The following DLGAP2 variants were observed in gnomAD, a reference collection of about 807,000 sequenced individuals.
The protein encoded by DLGAP2 is DLG associated protein 2.
Under a neutral mutation model 100.3 loss-of-function variants are expected in DLGAP2, and 26 were observed. The ratio of observed to expected loss-of-function variants is 0.26; its 90% CI spans 0.19 to 0.36. DLGAP2 has a LOEUF of 0.36. DLGAP2 is among the 10% of genes least tolerant of loss of function. The probability of loss-of-function intolerance (pLI) is 1.00; values close to 1 mark genes in which losing one functional copy is unlikely to be tolerated. For missense variants in DLGAP2, 1,858 were observed against 1,453.2 expected, an observed-to-expected ratio of 1.28 and a Z score of -4.53; for synonymous variants, 886 against 630.1, an observed-to-expected ratio of 1.41 and a Z score of -6.08.
chr8:1,136,934 T>C (rs2129049963), intron 2 of DLGAP2, among the ~76,000 whole-genome samples: 2 of 152,356 alleles, frequency 1.3e-5, no homozygotes, highest in Middle Eastern at 6.8e-3. Context: ...TTTGTGCTGC[T>C]TCAACTTGTG....
intron 3 of DLGAP2, chr8:1,297,294 CAT>C (rs1425295580): frequency 2.0e-5 from 3 of 152,264 alleles, no homozygotes; most frequent in Non-Finnish European, 1.5e-5. Context: ...GTCAGAAAAA[CAT>C]GTCTCCCCTG....
intron 3 of DLGAP2, among the ~76,000 whole-genome samples, chr8:1,418,189 G>T (rs952049782): frequency 6.6e-6 from 1 of 152,158 alleles, no homozygotes; most frequent in African/African-American, 2.4e-5. Context: ...CTTGATCTTG[G>T]GTGGCCCAAA....
rs1046335384 is a variant in DLGAP2, at chr8:1,026,090, G to A, written c.73+118124G>A. Among the ~76,000 whole-genome samples the A allele has an allele frequency of 1.3e-5, 2 of 152,334 alleles. 1 individual carries two copies. Among genetic ancestry groups the A allele is most frequent in the South Asian group, 4.1e-4 (2 of 4,822 alleles). On this transcript the variant is annotated intron_variant, in intron 2 of 14. Transcript: ENST00000637795. ...TTCGTCCCGGCTTCCAGGAGCCCTG[G>A]CAGAAACGGAGCTCAGCTGCCAGTC...
chr8:1,534,148 A>T (rs765870883), intron 4 of DLGAP2, among the ~76,000 whole-genome samples: 1 of 152,242 alleles, frequency 6.6e-6, no homozygotes, highest in African/African-American at 2.4e-5. Flanking sequence ...AAGGTAAAAG[A>T]GAAAGATTGA....
chr8:1,067,753 G>A (rs941654368), intron 2 of DLGAP2, among the ~76,000 whole-genome samples: 1 of 150,174 alleles, frequency 6.7e-6, no homozygotes, highest in Non-Finnish European at 1.5e-5. Flanking sequence ...TCGTGACCCA[G>A]TCCCCTCCAG....
chr8:1,285,593 G>A (rs1162409848), intron 3 of DLGAP2, among the ~76,000 whole-genome samples: 2 of 152,166 alleles, frequency 1.3e-5, no homozygotes, highest in Non-Finnish European at 1.5e-5. Flanking sequence ...TAATTCTGCT[G>A]ATTCATACAA....
chr8:1,070,196 T>A (rs1036884074), intron 2 of DLGAP2, among the ~76,000 whole-genome samples: 1 of 152,068 alleles, frequency 6.6e-6, no homozygotes, highest in African/African-American at 2.4e-5. Flanking sequence ...ACTCGGCGAG[T>A]CCTTTCTTGC....
At chr8:862,702 TG>T (rs1481504007) in intron 1 of DLGAP2, among the ~76,000 whole-genome samples, 1 of 152,148 alleles carries the variant, frequency 6.6e-6, no homozygotes, top group African/African-American at 2.4e-5. Flanking sequence ...GAACAGATCT[TG>T]TCCACCGTTA....
intron 1 of DLGAP2, among the ~76,000 whole-genome samples, chr8:783,847 C>T (rs1821765493): frequency 6.6e-6 from 1 of 152,176 alleles, no homozygotes. Flanking sequence ...GTTAGTGACT[C>T]TAATCAATGG....
intron 1 of DLGAP2, among the ~76,000 whole-genome samples, chr8:905,928 G>A (rs1190677226): frequency 1.3e-5 from 2 of 152,224 alleles, no homozygotes; most frequent in African/African-American, 2.4e-5. Context: ...AAAGGGCAGC[G>A]ATGGTGATAG....
chr8:1,328,720 G>T (rs1801080015), intron 3 of DLGAP2, among the ~76,000 whole-genome samples: 1 of 152,174 alleles, frequency 6.6e-6, no homozygotes, highest in Non-Finnish European at 1.5e-5. Context: ...AGTAAAGACA[G>T]AACAACAACC....
In DLGAP2 at chr8:1,049,336, C is replaced by T. The variant is rs546137924; in HGVS notation, c.73+141370C>T. ...TCTACTTCTATAATTTTAACGTCTT[C>T]GAAGACACAGACACCTTCTTCCCGT... On this transcript the variant is annotated intron_variant, in intron 2 of 14. Transcript: ENST00000637795. Among the ~76,000 whole-genome samples the T allele has an allele frequency of 1.8e-4, 27 of 152,198 alleles. 2 individuals carry two copies. Among genetic ancestry groups the T allele is most frequent in the African/African-American group, 6.0e-4 (25 of 41,544 alleles).
At chr8:779,638 T>C (rs757616010) in intron 1 of DLGAP2, among the ~76,000 whole-genome samples, 1 of 151,898 alleles carries the variant, frequency 6.6e-6, no homozygotes, top group Non-Finnish European at 1.5e-5. Context: ...CTAATAGCAT[T>C]ATTTTCTGAG....
intron 1 of DLGAP2, among the ~76,000 whole-genome samples, chr8:745,845 A>G (rs1436753648): frequency 6.6e-6 from 1 of 152,212 alleles, no homozygotes; most frequent in Non-Finnish European, 1.5e-5. Context: ...CCATTTCCCT[A>G]AAGCTACTGA....
At chr8:1,464,990 C>T (rs1667365939) in intron 3 of DLGAP2, among the ~76,000 whole-genome samples, 1 of 152,266 alleles carries the variant, frequency 6.6e-6, no homozygotes, top group African/African-American at 2.4e-5. Flanking sequence ...CAGCAACCAA[C>T]ACAGGAGACT....
chr8:974,793 A>G (rs1800121229), intron 2 of DLGAP2, among the ~76,000 whole-genome samples: 1 of 152,236 alleles, frequency 6.6e-6, no homozygotes, highest in African/African-American at 2.4e-5. Context: ...ATATTTAGAA[A>G]TGGAGTAAGA....
At chr8:950,595 T>A (rs1268360683) in intron 2 of DLGAP2, among the ~76,000 whole-genome samples, 5 of 152,058 alleles carry the variant, frequency 3.3e-5, no homozygotes, top group Middle Eastern at 3.4e-3. Context: ...GTAGAAAAAT[T>A]TGTAGAATAT....
At chr8:1,062,478 G>A (rs563337980) in intron 2 of DLGAP2, among the ~76,000 whole-genome samples, 91 of 152,288 alleles carry the variant, frequency 6.0e-4, no homozygotes, top group Middle Eastern at 3.4e-3. Context: ...AGTGGCAGGA[G>A]GCTCTCCTCG....
chr8:1,467,204 C>G (rs1275388260), intron 3 of DLGAP2, among the ~76,000 whole-genome samples: 2 of 141,778 alleles, frequency 1.4e-5, no homozygotes, highest in African/African-American at 3.1e-5. Flanking sequence ...CTCTCATCGT[C>G]ATGCATGGCT....
Sources: allele counts gnomAD v4.1 joint callset (sites outside exome capture counted in the v4.1 genomes callset), GRCh38; gene constraint gnomAD v4.1.1; transcripts MANE v1.5; gene names NCBI Gene and HGNC (gene_info 2026-07-23, HGNC 2026-07-21).